The following PEAK1 variants were observed in gnomAD, a reference collection of about 807,000 sequenced individuals.
PEAK1 encodes the protein inactive tyrosine-protein kinase PEAK1.
Under a neutral mutation model 124.7 loss-of-function variants are expected in PEAK1, and 54 were observed. The ratio of observed to expected loss-of-function variants is 0.43; its 90% confidence interval spans 0.35 to 0.54. The LOEUF (loss-of-function observed/expected upper bound fraction) is 0.54. Among genes scored for constraint, PEAK1 ranks in the 20% least tolerant of loss-of-function variants. The pLI is 0.01. For synonymous variants in PEAK1, 719 were observed against 760.0 expected, an observed-to-expected ratio of 0.95 and a Z score of 0.89; for missense variants, 2,046 against 2,134.5, an observed-to-expected ratio of 0.96 and a Z score of 0.82.
At chr15:77,350,948 T>C (rs1272706645) in intron 2 of PEAK1, 1 of 985,130 alleles carries the variant, frequency 1.0e-6, no homozygotes, top group African/African-American at 1.7e-5. Flanking sequence ...AAGCACTCCA[T>C]TAATTACACT....
chr15:77,342,947 T>C (rs1597370778), intron 2 of PEAK1, among the ~76,000 whole-genome samples: 1 of 152,214 alleles, frequency 6.6e-6, no homozygotes, highest in Non-Finnish European at 1.5e-5. Flanking sequence ...TCTTTGAGAA[T>C]TTGCTTTCAA....
chr15:77,129,872 G>A (rs1354129408), intron 9 of PEAK1, among the ~76,000 whole-genome samples: 1 of 152,116 alleles, frequency 6.6e-6, no homozygotes, highest in Non-Finnish European at 1.5e-5. Context: ...AACAGAAAAA[G>A]TTGTTTGTGT....
chr15:77,140,714 C>G (rs1567020230), intron 8 of PEAK1, among the ~76,000 whole-genome samples: 1 of 150,256 alleles, frequency 6.7e-6, no homozygotes, highest in Non-Finnish European at 1.5e-5. Flanking sequence ...CTTGCCATTT[C>G]TTTTTTTTTC....
At chr15:77,419,140 T>G (rs1402208765) in intron 1 of PEAK1, 8 of 985,278 alleles carry the variant, frequency 8.1e-6, no homozygotes, top group Non-Finnish European at 9.6e-6. Flanking sequence ...CTCAAATTCC[T>G]GAACTTGGAT....
At chr15:77,412,383 C>T (rs1166203849) in intron 1 of PEAK1, among the ~76,000 whole-genome samples, 5 of 152,128 alleles carry the variant, frequency 3.3e-5, no homozygotes, top group Non-Finnish European at 4.4e-5. Flanking sequence ...TGCTCTGCAC[C>T]GTCCTCAAGT....
intron 8 of PEAK1, among the ~76,000 whole-genome samples, chr15:77,149,375 T>C (rs1443967253): frequency 6.6e-6 from 1 of 152,232 alleles, no homozygotes; most frequent in African/African-American, 2.4e-5. Context: ...GTGGTCTTTA[T>C]GGACTGGTTC....
At chr15:77,239,927 T>C (rs1299609343) in intron 6 of PEAK1, 5 of 758,470 alleles carry the variant, frequency 6.6e-6, no homozygotes, top group Non-Finnish European at 8.0e-6. Flanking sequence ...TATGTTTCTG[T>C]TTGTATTTTT....
chr15:77,116,887 A>G (rs1335171456), intron 9 of PEAK1, among the ~76,000 whole-genome samples: 2 of 152,178 alleles, frequency 1.3e-5, no homozygotes, highest in Non-Finnish European at 2.9e-5. Flanking sequence ...GTTCAAACAT[A>G]TATCTTTCAG....
chr15:77,325,265 C>T (rs1001796211), intron 2 of PEAK1, among the ~76,000 whole-genome samples: 5 of 151,886 alleles, frequency 3.3e-5, no homozygotes, highest in African/African-American at 1.2e-4. Flanking sequence ...AATAAATTAG[C>T]CAGGTGTGGT....
chr15:77,419,283 A>G (rs948303206), intron 1 of PEAK1: 6 of 985,260 alleles, frequency 6.1e-6, no homozygotes, highest in Non-Finnish European at 7.2e-6. Context: ...AAGCTCCCAG[A>G]CGGATGGTGC....
chr15:77,419,118 C>T, intron 1 of PEAK1: 16 of 985,404 alleles, frequency 1.6e-5, no homozygotes, highest in Non-Finnish European at 1.9e-5. Flanking sequence ...CCAATAACTC[C>T]ATTCCACAGC....
chr15:77,345,889 T>C, intron 2 of PEAK1: 2 of 978,096 alleles, frequency 2.0e-6, no homozygotes, highest in Non-Finnish European at 2.4e-6. Flanking sequence ...CAATAAGTAA[T>C]TTAAAAAAAT....
intron 6 of PEAK1, among the ~76,000 whole-genome samples, chr15:77,223,886 A>G (rs2059505258): frequency 8.2e-6 from 1 of 121,608 alleles, no homozygotes; most frequent in South Asian, 2.7e-4. Flanking sequence ...CATTTGAGAG[A>G]TTTTTTTTTT....
chr15:77,350,098 C>A, intron 2 of PEAK1: 3 of 985,352 alleles, frequency 3.0e-6, no homozygotes, highest in Non-Finnish European at 3.6e-6. Flanking sequence ...TAAGAGCATA[C>A]CCCCAAATAG....
At chr15:77,345,150 T>C (rs544203956) in intron 2 of PEAK1, among the ~76,000 whole-genome samples, 48 of 152,316 alleles carry the variant, frequency 3.2e-4, no homozygotes, top group East Asian at 1.2e-3. Flanking sequence ...TTTTCCACCA[T>C]TGATTAAGAT....
At chr15:77,413,284 T>C (rs1368301147) in intron 1 of PEAK1, among the ~76,000 whole-genome samples, 1 of 152,232 alleles carries the variant, frequency 6.6e-6, no homozygotes, top group Non-Finnish European at 1.5e-5. Context: ...TGGAGTTTAA[T>C]TTCCATCCCT....
intron 7 of PEAK1, among the ~76,000 whole-genome samples, chr15:77,165,717 T>A (rs1006640506): frequency 2.0e-5 from 3 of 152,192 alleles, no homozygotes; most frequent in African/African-American, 7.2e-5. Context: ...CTATAGGTAC[T>A]CAGAACACCC....
intron 5 of PEAK1, among the ~76,000 whole-genome samples, chr15:77,273,904 C>T (rs2062168799): frequency 6.6e-6 from 1 of 152,140 alleles, no homozygotes; most frequent in South Asian, 2.1e-4. Flanking sequence ...GTCACCAAAA[C>T]AGCATTGTAC....
chr15:77,348,970 C>A (rs2067042728), intron 2 of PEAK1: 1 of 941,596 alleles, frequency 1.1e-6, no homozygotes, highest in Non-Finnish European at 1.3e-6. Context: ...GATTTAAAGC[C>A]TTTCTTACTT....
Sources: gnomAD v4.1 joint callset for allele counts (sites outside exome capture counted in the v4.1 genomes callset) on GRCh38, gnomAD v4.1.1 for gene constraint, MANE v1.5 for transcripts, NCBI Gene and HGNC (gene_info 2026-07-23, HGNC 2026-07-21) for gene names.